PGP: variants seen among roughly 807,000 people sequenced by gnomAD.
The protein encoded by PGP is phosphoglycolate phosphatase.
Under a neutral mutation model 19.3 loss-of-function variants are expected in PGP, and 9 were observed. The ratio of observed to expected loss-of-function variants is 0.47; its 90% CI spans 0.28 to 0.81. The LOEUF (loss-of-function observed/expected upper bound fraction) is 0.81. Ranked by LOEUF, PGP falls within the 40% of genes least tolerant of loss-of-function variation. PGP has a pLI of 0.11. For missense variants in PGP, 403 were observed against 479.9 expected (o/e 0.84, Z 1.50); for synonymous variants, 308 against 226.8 (o/e 1.36, Z -3.22).
In PGP at chr16:2,214,643, G is replaced by C. The variant is rs761082093; in HGVS notation, c.135C>G (p.Ala45=). The C allele has an allele frequency of 6.9e-6, 10 of 1,446,754 alleles. No homozygotes were observed. Among genetic ancestry groups the C allele is most frequent in the Admixed American group, 5.0e-5 (2 of 39,896 alleles). 89.6% of individuals were successfully genotyped at this position (1,446,754 alleles called of 1,614,324 possible). Residue 45 remains alanine (A), a synonymous_variant, in exon 1 of 2, where the codon GCC becomes GCG. Coordinates refer to ENST00000333503, the MANE Select transcript of PGP (RefSeq NM_001042371.3). This position sits in a 1 kb window ranked among gnomAD's most constrained non-coding sequence, Gnocchi z 7.1. The part of the protein sequence containing the change: ...CDGVLWRGET[A]VPGAPEALRA... ...GCAGGGCCTCGGGCGCGCCAGGCACGGCGGTCTCCCCGCGCCACAGCACGC... is the reference window on the plus strand; with the variant it reads ...GCAGGGCCTCGGGCGCGCCAGGCACCGCGGTCTCCCCGCGCCACAGCACGC...
In PGP at chr16:2,214,003, C is replaced by A. The variant is rs2141406213; in HGVS notation, c.691G>T (p.Asp231Tyr). The change falls in exon 2 of 2, where the codon GAC (aspartate) becomes TAC (tyrosine). Residue 231 changes from aspartate to tyrosine, a missense_variant. Asp to Tyr is a radical substitution (Grantham distance 160). Transcript: ENST00000333503. This position sits in a 1 kb window ranked among gnomAD's most constrained non-coding sequence, Gnocchi z 7.1. ...AVEMAAQRQA[D>Y]IIGKPSRFIF... ...AAGCGGCTGGGCTTCCCGATGATGT[C>A]GGCCTGGCGCTGGGCGGCCATCTCC... 1 of 1,605,728 alleles carries A rather than the reference C, an allele frequency of 6.2e-7. No individual in the cohort carries two copies. The highest frequency in any genetic ancestry group is 8.5e-7 in the Non-Finnish European group (1 of 1,175,040).
At position 2,214,684 on chromosome 16, in the gene PGP, G is replaced by A. The variant is rs1309588904; in HGVS notation, c.94C>T (p.Leu32=). ...QALLADVDTL[L]FDCDGVLWRG... is the part of the protein sequence containing the mutation. ...CACAGCACGCCGTCGCAGTCGAACA[G>A]CAGCGTGTCCACGTCGGCCAGCAGC... Residue 32 remains leucine, a synonymous_variant, in exon 1 of 2, where the codon CTG becomes TTG. Coordinates refer to ENST00000333503, the MANE Select transcript of PGP (RefSeq NM_001042371.3). The surrounding 1 kb of genome is among the most constrained non-coding windows in gnomAD (Gnocchi z 7.1). 1.4e-6 allele frequency: 2 copies of A among 1,424,156 alleles called. No homozygotes were observed. The highest frequency in any genetic ancestry group is 1.8e-6 in the Non-Finnish European group (2 of 1,087,836). The allele number at this position is 1,424,156 out of a possible 1,614,324, so 88.2% of individuals were successfully genotyped here. A position where few individuals can be genotyped will look rare whatever the true frequency, so the allele number is the denominator to read the frequency against.
rs2093376684 is a variant in PGP at position 2,212,059 on chromosome 16, G to A, written c.*1669C>T. The A allele has an allele frequency of 1.0e-6, 1 of 985,396 alleles. No homozygotes were observed. The highest frequency in any genetic ancestry group is 1.7e-5 in the African/African-American group (1 of 57,256). The allele number at this position is 985,396 out of a possible 1,614,324, so 61.0% of individuals were successfully genotyped here. A position where few individuals can be genotyped will look rare whatever the true frequency, so the allele number is the denominator to read the frequency against. On this transcript the variant is annotated 3_prime_UTR_variant, in exon 2 of 2. Transcript: ENST00000333503. ...GTGCTGCAGCCCCTCATGGGCCAGA[G>A]ACAGGATGCACGGGGACTCCCAGCC...
Position 2,214,076 on chromosome 16 carries a change from T to C in PGP, c.641-23A>G. On this transcript the variant is annotated intron_variant, in intron 1 of 1. Transcript: ENST00000333503. The surrounding 1 kb of genome is among the most constrained non-coding windows in gnomAD (Gnocchi z 7.1). ...TACCTGCGGGGCACAGGGGACCGGG[T>C]CAAAGGGCAGGGAGGGGGCCCGCCG... The C allele has an allele frequency of 6.3e-7, 1 of 1,596,900 alleles. No individual in the cohort carries two copies. Among genetic ancestry groups the C allele is most frequent in the South Asian group, 1.1e-5 (1 of 89,794 alleles).
At position 2,211,974 on chromosome 16, in the gene PGP, G is replaced by A. The variant is rs1031697391; in HGVS notation, c.*1754C>T. On this transcript the variant is annotated 3_prime_UTR_variant, in exon 2 of 2. Coordinates refer to ENST00000333503, the MANE Select transcript of PGP (RefSeq NM_001042371.3). ...CATCACCCGGGCCAATGCAAGGTGA[G>A]AGCAAGGACACCTGAGCCAGTGTGG... 9.1e-6 allele frequency: 9 copies of A among 985,578 alleles called. No individual in the cohort carries two copies. Among genetic ancestry groups the A allele is most frequent in the Non-Finnish European group, 1.1e-5 (9 of 829,992 alleles). The allele number at this position is 985,578 out of a possible 1,614,324, so 61.1% of individuals were successfully genotyped here. A position where few individuals can be genotyped will look rare whatever the true frequency, so the allele number is the denominator to read the frequency against.
Position 2,214,764 on chromosome 16 carries a change from TCCGCCGCCGCCATCGCCGCCCGCCGG to T in PGP, c.-13_13del. ...GCAGCGGGCGTCGTCGCCACCGGCC[TCCGCCGCCGCCATCGCCGCCCGCCGG>T]CCGCCGCCGCCCGCCGGCCGCTCCT... On this transcript the variant is annotated start_lost and 5_prime_UTR_variant, in exon 1 of 2. Coordinates refer to ENST00000333503, the MANE Select transcript of PGP (RefSeq NM_001042371.3). This position sits in a 1 kb window ranked among gnomAD's most constrained non-coding sequence, Gnocchi z 7.1. The T allele has an allele frequency of 8.9e-7, 1 of 1,126,830 alleles. No individual in the cohort carries two copies. The highest frequency in any genetic ancestry group is 1.1e-6 in the Non-Finnish European group (1 of 918,712). The allele number at this position is 1,126,830 out of a possible 1,614,324, so 69.8% of individuals were successfully genotyped here.
rs113425885 is a variant in PGP at position 2,212,924 on chromosome 16, C to CTGTT, written c.*803_*804insAACA. 0.52 allele frequency: 515,343 copies of CTGTT among 984,872 alleles called. 135,734 individuals carry two copies. The highest frequency in any genetic ancestry group is 0.62 in the East Asian group (5,433 of 8,776). The allele number at this position is 984,872 out of a possible 1,614,324, so 61.0% of individuals were successfully genotyped here. On this transcript the variant is annotated 3_prime_UTR_variant, in exon 2 of 2. Coordinates refer to ENST00000333503, the MANE Select transcript of PGP (RefSeq NM_001042371.3). ...TGACACAGTTGTTCAAAGTTAAAAA[C>CTGTT]TGGTAGCAGCACTGCTCTGAGCTCC...
In PGP at chr16:2,214,182, T is replaced by C; in HGVS notation, c.596A>G (p.Asn199Ser). The C allele has an allele frequency of 1.3e-6, 2 of 1,594,472 alleles. No individual in the cohort carries two copies. The highest frequency in any genetic ancestry group is 1.7e-6 in the Non-Finnish European group (2 of 1,178,592). Residue 199 changes from asparagine to serine, a missense_variant, in exon 1 of 2, where the codon AAC becomes AGC. Coordinates refer to ENST00000333503, the MANE Select transcript of PGP (RefSeq NM_001042371.3). The surrounding 1 kb of genome is among the most constrained non-coding windows in gnomAD (Gnocchi z 7.1). ...CTCAAGCGGAAGCCGGTTGTCCATG[T>C]TGGTGCCCACGAGCAGGCAGCCGGG... ...QQPGCLLVGT[N>S]MDNRLPLENG...
At position 2,212,505 on chromosome 16, in the gene PGP, T is replaced by C; in HGVS notation, c.*1223A>G. 1.0e-6 allele frequency: 1 copy of C among 985,536 alleles called. No individual in the cohort carries two copies. Among genetic ancestry groups the C allele is most frequent in the Non-Finnish European group, 1.2e-6 (1 of 829,994 alleles). The allele number at this position is 985,536 out of a possible 1,614,324, so 61.0% of individuals were successfully genotyped here. A position where few individuals can be genotyped will look rare whatever the true frequency, so the allele number is the denominator to read the frequency against. On this transcript the variant is annotated 3_prime_UTR_variant, in exon 2 of 2. Transcript: ENST00000333503. ...AGAGGCTGGAGCCCCGCCCAGAACC[T>C]TGGCGAGCTGGTGGCCCTGCCAAGT...
chr16:2,212,703 G>A lies in PGP; in HGVS notation c.*1025C>T. 1.0e-6 allele frequency: 1 copy of A among 985,418 alleles called. No homozygotes were observed. 61.0% of individuals were successfully genotyped at this position (985,418 alleles called of 1,614,324 possible). On this transcript the variant is annotated 3_prime_UTR_variant, in exon 2 of 2. Transcript: ENST00000333503. ...CTCGTCCCCTCCCAGAGCCCTGGAT[G>A]ACTGACAGGCATTCCTTGGCCAACA... is the stretch of plus-strand genomic sequence containing the variant.
rs200642679 is a variant in PGP, at chr16:2,213,749, A to T, written c.945T>A (p.Leu315=). The part of the protein sequence containing the change: ...PDFYVDSIAD[L]LPALQG ...ATCTTTAACCTTGAAGGGCAGGCAAAAGGTCGGCTATGCTGTCAACATAGA... is the reference window on the plus strand; with the variant it reads ...ATCTTTAACCTTGAAGGGCAGGCAATAGGTCGGCTATGCTGTCAACATAGA... The change falls in exon 2 of 2, where the codon CTT becomes CTA. Residue 315 remains leucine, a synonymous_variant. Transcript: ENST00000333503. 188 of 1,541,150 alleles carry T rather than the reference A, an allele frequency of 1.2e-4. No homozygotes were observed. The highest frequency in any genetic ancestry group is 8.0e-5 in the Non-Finnish European group (91 of 1,140,326).
chr16:2,214,094 GCCCGCCGCCC>G lies in PGP; in HGVS notation c.640+34_641-42del. 3.2e-6 allele frequency: 5 copies of G among 1,544,844 alleles called. No homozygotes were observed. In the Admixed American group the frequency reaches 5.7e-5, roughly 18 times the overall value. On this transcript the variant is annotated intron_variant, in intron 1 of 1. Coordinates refer to ENST00000333503, the MANE Select transcript of PGP (RefSeq NM_001042371.3). The surrounding 1 kb of genome is among the most constrained non-coding windows in gnomAD (Gnocchi z 7.1). ...GACCGGGTCAAAGGGCAGGGAGGGG[GCCCGCCGCCC>G]GCCCCCCAGCCTCCCGCCCCAGGGC... is the stretch of plus-strand genomic sequence containing the variant.
At position 2,212,182 on chromosome 16, in the gene PGP, C is replaced by T; in HGVS notation, c.*1546G>A. On this transcript the variant is annotated 3_prime_UTR_variant, in exon 2 of 2. Coordinates refer to ENST00000333503, the MANE Select transcript of PGP (RefSeq NM_001042371.3). ...CCAGACCCGGCTTGAGCCAACTTAG[C>T]CAAGCCAGCGTCAGTGTCACCAGCC... The T allele has an allele frequency of 1.0e-6, 1 of 985,766 alleles. No homozygotes were observed. 61.1% of individuals were successfully genotyped at this position (985,766 alleles called of 1,614,324 possible).
Position 2,214,271 on chromosome 16 carries a change from C to T in PGP, c.507G>A (p.Val169=), listed in dbSNP as rs980071845. ...APLEPDVRAV[V]VGFDPHFSYM... The stretch of plus-strand genomic sequence containing the variant: ...AGCTGAAGTGCGGGTCAAAGCCCAC[C>T]ACCACCGCGCGCACGTCGGGCTCCA... The change falls in exon 1 of 2, where the codon GTG becomes GTA. Residue 169 remains valine (V), a synonymous_variant. Coordinates refer to ENST00000333503, the MANE Select transcript of PGP (RefSeq NM_001042371.3). This position sits in a 1 kb window ranked among gnomAD's most constrained non-coding sequence, Gnocchi z 7.1. The T allele has an allele frequency of 3.2e-6, 5 of 1,576,336 alleles. No individual in the cohort carries two copies. The African/African-American group carries it at 5.4e-5, about 17-fold the overall frequency.
At position 2,214,840 on chromosome 16, in the gene PGP, C is replaced by A. The variant is rs1186559239; in HGVS notation, c.-63G>T. ...TCGCAGCCGCCCGCCGCGGCGCCCT[C>A]CCCGCCCCCGGGGCGCTCATTGGCC... On this transcript the variant is annotated 5_prime_UTR_variant, in exon 1 of 2. Coordinates refer to ENST00000333503, the MANE Select transcript of PGP (RefSeq NM_001042371.3). This position sits in a 1 kb window ranked among gnomAD's most constrained non-coding sequence, Gnocchi z 7.1. 1.8e-6 allele frequency: 1 copy of A among 548,600 alleles called. No individual in the cohort carries two copies. The highest frequency in any genetic ancestry group is 2.1e-5 in the African/African-American group (1 of 48,672). The allele number at this position is 548,600 out of a possible 1,614,324, so 34.0% of individuals were successfully genotyped here.
At position 2,214,587 on chromosome 16, in the gene PGP, C is replaced by G; in HGVS notation, c.191G>C (p.Gly64Ala). The G allele has an allele frequency of 6.8e-7, 1 of 1,470,698 alleles. No homozygotes were observed. The highest frequency in any genetic ancestry group is 9.0e-7 in the Non-Finnish European group (1 of 1,115,368). The allele number at this position is 1,470,698 out of a possible 1,614,324, so 91.1% of individuals were successfully genotyped here. Residue 64 changes from glycine to alanine, a missense_variant, in exon 1 of 2, where the codon GGC (glycine) becomes GCC (alanine). By Grantham distance (60) the Gly-to-Ala change is moderately conservative. Coordinates refer to ENST00000333503, the MANE Select transcript of PGP (RefSeq NM_001042371.3). This position sits in a 1 kb window ranked among gnomAD's most constrained non-coding sequence, Gnocchi z 7.1. ...RALRARGKRL[G>A]FITNNSSKTR... Reference sequence around the variant, plus strand: ...CTTGCTGCTGTTGTTGGTGATGAAGCCCAGGCGCTTGCCGCGGGCTCGCAG... The same window carrying G: ...CTTGCTGCTGTTGTTGGTGATGAAGGCCAGGCGCTTGCCGCGGGCTCGCAG...
At position 2,213,895 on chromosome 16, in the gene PGP, G is replaced by A; in HGVS notation, c.799C>T (p.Leu267Phe). The change falls in exon 2 of 2, where the codon CTC becomes TTC. Residue 267 changes from leucine (L) to phenylalanine (F), a missense_variant. By Grantham distance (22) the Leu-to-Phe change is conservative. Coordinates refer to ENST00000333503, the MANE Select transcript of PGP (RefSeq NM_001042371.3). The part of the protein sequence containing the change: ...MVGDRLDTDI[L>F]LGATCGLKTI... ...TTCAGGCCACAGGTGGCGCCTAGGA[G>A]GATGTCTGTGTCCAGGCGGTCTCCC... is the stretch of plus-strand genomic sequence containing the variant. 3.1e-6 allele frequency: 5 copies of A among 1,613,378 alleles called. No homozygotes were observed. Among genetic ancestry groups the A allele is most frequent in the Non-Finnish European group, 4.2e-6 (5 of 1,179,572 alleles).
chr16:2,214,760 G>A lies in PGP; in HGVS notation c.18C>T (p.Ala6=), dbSNP rs780849944. 1.1e-5 allele frequency: 12 copies of A among 1,141,120 alleles called. No homozygotes were observed. Among genetic ancestry groups the A allele is most frequent in the Middle Eastern group, 7.2e-4 (2 of 2,778 alleles). 70.7% of individuals were successfully genotyped at this position (1,141,120 alleles called of 1,614,324 possible). MAAAE[A]GGDDARCVRL... is the part of the protein sequence containing the mutation. ...GCACGCAGCGGGCGTCGTCGCCACCGGCCTCCGCCGCCGCCATCGCCGCCC... is the reference window on the plus strand; with the variant it reads ...GCACGCAGCGGGCGTCGTCGCCACCAGCCTCCGCCGCCGCCATCGCCGCCC... Residue 6 remains alanine (A), a synonymous_variant, in exon 1 of 2, where the codon GCC becomes GCT. Coordinates refer to ENST00000333503, the MANE Select transcript of PGP (RefSeq NM_001042371.3). This position sits in a 1 kb window ranked among gnomAD's most constrained non-coding sequence, Gnocchi z 7.1.
rs768745624 is a variant in PGP, at chr16:2,213,723, A to G, written c.*5T>C. On this transcript the variant is annotated 3_prime_UTR_variant, in exon 2 of 2. Transcript: ENST00000333503. ...TTTATTCTGCAGATTAAAGACACTC[A>G]ATCTTTAACCTTGAAGGGCAGGCAA... The G allele has an allele frequency of 4.8e-5, 72 of 1,511,400 alleles. No homozygotes were observed. The East Asian group carries it at 1.6e-3, about 34-fold the overall frequency. The allele number at this position is 1,511,400 out of a possible 1,614,324, so 93.6% of individuals were successfully genotyped here. A position where few individuals can be genotyped will look rare whatever the true frequency, so the allele number is the denominator to read the frequency against.
Sources: allele counts gnomAD v4.1 joint callset, GRCh38; gene constraint gnomAD v4.1.1; non-coding constraint Gnocchi (gnomAD v3.1); transcripts MANE v1.5; gene names NCBI Gene and HGNC (gene_info 2026-07-23, HGNC 2026-07-21).